GCC2: variants seen among roughly 807,000 people sequenced by gnomAD.
The protein encoded by GCC2 is GRIP and coiled-coil domain-containing protein 2.
Under a neutral mutation model 210.6 loss-of-function variants are expected in GCC2, and 120 were observed. The observed-to-expected ratio is 0.57, with a 90% confidence interval of 0.49 to 0.66. The LOEUF (loss-of-function observed/expected upper bound fraction) is 0.66. GCC2 is among the 30% of genes least tolerant of loss of function. The pLI is 0.00. For missense variants in GCC2, 1,868 were observed against 1,871.9 expected (o/e 1.00, Z 0.04); for synonymous variants, 703 against 652.7 (o/e 1.08, Z -1.17).
At chr2:108,450,238 A>G (rs1294904571) in intron 2 of GCC2, among the ~76,000 whole-genome samples, 4 of 152,226 alleles carry the variant, frequency 2.6e-5, no homozygotes, top group Non-Finnish European at 5.9e-5. Context: ...TTTACAGATG[A>G]GAAACCTGAG....
At position 108,471,012 on chromosome 2, in the gene GCC2, A is replaced by G; in HGVS notation, c.1683A>G (p.Ile561Met). Residue 561 changes from isoleucine to methionine, a missense_variant, in exon 6 of 23, where the codon ATA becomes ATG. This residue lies in a region of GCC2 where 1,847 missense variants were observed against 1,765.2 expected (regional missense o/e 1.05). Transcript: ENST00000309863. ...TGGTACCAGAACTTGAAAATACCAT[A>G]AAGAACCTTCAAGAAAAGAATGGAG... ...QELVPELENT[I>M]KNLQEKNGVY... 6.2e-7 allele frequency: 1 copy of G among 1,612,298 alleles called. No individual in the cohort carries two copies. Among genetic ancestry groups the G allele is most frequent in the Non-Finnish European group, 8.5e-7 (1 of 1,178,854 alleles).
chr2:108,503,168 A>T (rs1483709526), intron 22 of GCC2, among the ~76,000 whole-genome samples: 1 of 143,436 alleles, frequency 7.0e-6, no homozygotes, highest in African/African-American at 2.5e-5. Flanking sequence ...AAGCAGTATT[A>T]AAAAAAAAAG....
At position 108,483,081 on chromosome 2, in the gene GCC2, ATGAACT is replaced by A. The variant is rs1681954447; in HGVS notation, c.3370_3375del (p.Leu1124_Glu1125del). 6.3e-7 allele frequency: 1 copy of A among 1,577,268 alleles called. No individual in the cohort carries two copies. The highest frequency in any genetic ancestry group is 1.1e-5 in the South Asian group (1 of 90,240). ...TTTCAGGAACATGCCACTACTGTAAATGAACTTGAAGAACTTCAGGTACAACTTCAA... is the reference window on the plus strand; with the variant it reads ...TTTCAGGAACATGCCACTACTGTAAATGAAGAACTTCAGGTACAACTTCAA... On this transcript the variant is annotated inframe_deletion, in exon 12 of 23. Coordinates refer to ENST00000309863, the MANE Select transcript of GCC2 (RefSeq NM_181453.4).
intron 15 of GCC2, 115 bp from the exon 16 acceptor site, chr2:108,486,396 T>C: frequency 1.1e-6 from 1 of 914,920 alleles, no homozygotes; most frequent in East Asian, 2.4e-5. Context: ...TTTCACTACT[T>C]AATTATGCCT....
rs11123695 is a variant in GCC2, at chr2:108,465,596, A to T, written c.217-3384A>T. Among the ~76,000 whole-genome samples the T allele has an allele frequency of 0.069, 10,425 of 152,182 alleles. 2,702 individuals carry two copies. The East Asian group carries it at 0.85, about 12-fold the overall frequency. On this transcript the variant is annotated intron_variant, in intron 4 of 22. Coordinates refer to ENST00000309863, the MANE Select transcript of GCC2 (RefSeq NM_181453.4). Reference sequence around the variant, plus strand: ...TTAGCTCCTACTTACAAGTGGGAATATATATGGTTTTTGGTTTTACTTCAC... The same window carrying T: ...TTAGCTCCTACTTACAAGTGGGAATTTATATGGTTTTTGGTTTTACTTCAC...
At chr2:108,486,671 A>G (rs1233286896) in intron 16 of GCC2, 23 bp downstream of exon 16, 1 of 1,595,834 alleles carries the variant, frequency 6.3e-7, no homozygotes, top group East Asian at 2.2e-5. Flanking sequence ...GGGCAGCCAC[A>G]GCAAGCCACT....
intron 22 of GCC2, among the ~76,000 whole-genome samples, chr2:108,505,077 T>TC (rs1481058422): frequency 6.6e-6 from 1 of 152,230 alleles, no homozygotes; most frequent in Non-Finnish European, 1.5e-5. Context: ...TCTCCAATTC[T>TC]TATTTACCTA....
At chr2:108,487,375 C>T (rs927598380) in intron 16 of GCC2, among the ~76,000 whole-genome samples, 1 of 152,104 alleles carries the variant, frequency 6.6e-6, no homozygotes, top group Admixed American at 6.6e-5. Context: ...TGTAAGGCCT[C>T]CCAACATGAA....
At chr2:108,460,848 G>GA (rs1680529951) in intron 4 of GCC2, among the ~76,000 whole-genome samples, 1 of 152,174 alleles carries the variant, frequency 6.6e-6, no homozygotes. Flanking sequence ...CTTTTCTCAT[G>GA]ATAGTGAGTG....
chr2:108,468,145 C>T (rs2718710), intron 4 of GCC2, among the ~76,000 whole-genome samples: 33,849 of 151,472 alleles, frequency 0.22, 4,189 homozygotes, highest in African/African-American at 0.32. Flanking sequence ...CGCTGCAACC[C>T]CCACCTCCTG....
chr2:108,491,778 T>TTA (rs1013124553), intron 18 of GCC2, among the ~76,000 whole-genome samples: 3 of 144,988 alleles, frequency 2.1e-5, no homozygotes, highest in Admixed American at 6.7e-5. Context: ...TATTTATTTA[T>TTA]TTATTTATTT....
intron 4 of GCC2, among the ~76,000 whole-genome samples, chr2:108,461,880 C>T (rs1249353618): frequency 7.3e-6 from 1 of 136,618 alleles, no homozygotes; most frequent in African/African-American, 2.8e-5. Flanking sequence ...TTCGCCCAGG[C>T]CGGACTGCAG....
At chr2:108,473,079 G>T in intron 7 of GCC2, 180 bp downstream of exon 7, 3 of 481,976 alleles carry the variant, frequency 6.2e-6, no homozygotes, top group South Asian at 6.8e-5. Flanking sequence ...TTTCAAAAGT[G>T]TTACTTTCTA....
In GCC2 at chr2:108,508,662, G is replaced by C. The variant is rs368874000; in HGVS notation, c.*1032G>C. ...GTTTTTGGCAGATAGTGTTCCATAA[G>C]CTTTCCATCAGAAGGGATTTTAGAC... On this transcript the variant is annotated 3_prime_UTR_variant, in exon 23 of 23. Transcript: ENST00000309863. 149 of 152,406 alleles carry C rather than the reference G, an allele frequency of 9.8e-4. No homozygotes were observed. Among genetic ancestry groups the C allele is most frequent in the East Asian group, 4.6e-3 (24 of 5,178 alleles). The allele number at this position is 152,406 out of a possible 1,614,324, so 9.4% of individuals were successfully genotyped here.
At chr2:108,450,823 A>G (rs1444726629) in intron 2 of GCC2, among the ~76,000 whole-genome samples, 2 of 152,160 alleles carry the variant, frequency 1.3e-5, no homozygotes, top group Admixed American at 6.5e-5. Context: ...CAGAGGTTAC[A>G]AGTGAGCCAA....
intron 4 of GCC2, among the ~76,000 whole-genome samples, chr2:108,453,119 T>C (rs1680048755): frequency 6.6e-6 from 1 of 152,260 alleles, no homozygotes; most frequent in Non-Finnish European, 1.5e-5. Flanking sequence ...TCCATATCCC[T>C]GGACATGTCT....
intron 2 of GCC2, 49 bp from the exon 3 acceptor site, chr2:108,450,979 A>G: frequency 3.5e-6 from 4 of 1,142,080 alleles, no homozygotes; most frequent in South Asian, 2.5e-5. Context: ...TTTGTGGTAT[A>G]CTAGAAACAT....
At chr2:108,497,145 C>T (rs369511196) in intron 21 of GCC2, 36 bp downstream of exon 21, 5 of 1,611,700 alleles carry the variant, frequency 3.1e-6, no homozygotes, top group East Asian at 4.5e-5. Flanking sequence ...TGAAAACCGC[C>T]AGTTTGGTTT....
intron 22 of GCC2, among the ~76,000 whole-genome samples, chr2:108,501,462 GT>G (rs1340978915): frequency 1.3e-5 from 2 of 152,084 alleles, no homozygotes; most frequent in Non-Finnish European, 2.9e-5. Context: ...GTGCAGTTGG[GT>G]GGGATGGTGG....
Sources: allele counts gnomAD v4.1 joint callset (sites outside exome capture counted in the v4.1 genomes callset), GRCh38; gene constraint gnomAD v4.1.1; regional missense constraint gnomAD v4.1.1; transcripts MANE v1.5; gene names NCBI Gene and HGNC (gene_info 2026-07-23, HGNC 2026-07-21).